The following ANO10 variants were observed in gnomAD, a reference collection of about 807,000 sequenced individuals.
The protein encoded by ANO10 is anoctamin-10.
Under a neutral mutation model 74.7 loss-of-function variants are expected in ANO10, and 77 were observed. The ratio of observed to expected loss-of-function variants is 1.03; its 90% CI spans 0.86 to 1.25. The LOEUF (loss-of-function observed/expected upper bound fraction) is 1.25. ANO10 is among the 50% of genes most tolerant of loss of function. ANO10 has a pLI of 0.00. For missense variants in ANO10, 721 were observed against 778.1 expected (o/e 0.93, Z 0.87); for synonymous variants, 279 against 284.9 (o/e 0.98, Z 0.21).
rs1282369478 is a variant in ANO10, at chr3:43,608,496, C to T, written c.-11-2633G>A. 2.6e-5 allele frequency among the ~76,000 whole-genome samples: 4 copies of T among 152,088 alleles called. No homozygotes were observed. The South Asian group carries it at 6.2e-4, about 24-fold the overall frequency. On this transcript the variant is annotated intron_variant, in intron 1 of 12. Transcript: ENST00000292246. Reference sequence around the variant, plus strand: ...CCCAGGCTCATCTCGAACTCTTGGGCTCGAGTGATCCTTTAGCCTTGGCCT... The same window carrying T: ...CCCAGGCTCATCTCGAACTCTTGGGTTCGAGTGATCCTTTAGCCTTGGCCT...
intron 11 of ANO10, among the ~76,000 whole-genome samples, chr3:43,543,733 A>G (rs1034969844): frequency 6.6e-6 from 1 of 152,204 alleles, no homozygotes; most frequent in Admixed American, 6.5e-5. Context: ...AGGGGGTGCC[A>G]CATGAAAACT....
chr3:43,685,375 T>C lies in ANO10; in HGVS notation c.-12+6142A>G, dbSNP rs540940590. Among the ~76,000 whole-genome samples, 7 of 152,360 alleles carry C rather than the reference T, an allele frequency of 4.6e-5. No individual in the cohort carries two copies. In the East Asian group the frequency reaches 1.3e-3, roughly 29 times the overall value. On this transcript the variant is annotated intron_variant, in intron 1 of 3. Transcript: ENST00000413397. ...GTACTTCCATATTAGTATATATACA[T>C]CTACCTCATTTTTCTTAATTGCTGC...
At chr3:43,525,682 CTT>C (rs1244188006) in intron 11 of ANO10, among the ~76,000 whole-genome samples, 1 of 152,208 alleles carries the variant, frequency 6.6e-6, no homozygotes, top group Non-Finnish European at 1.5e-5. Context: ...TTTTGTCTCT[CTT>C]CTTTCCTCTT....
chr3:43,420,530 G>T (rs2092804807), intron 12 of ANO10, among the ~76,000 whole-genome samples: 1 of 151,816 alleles, frequency 6.6e-6, no homozygotes, highest in African/African-American at 2.4e-5. Flanking sequence ...AAAAAGAAAG[G>T]AAAGGAAAGG....
At chr3:43,481,146 A>G (rs538097990) in intron 11 of ANO10, among the ~76,000 whole-genome samples, 35 of 152,276 alleles carry the variant, frequency 2.3e-4, no homozygotes, top group African/African-American at 8.2e-4. Flanking sequence ...ATATAGAGGT[A>G]AACAGCAGAA....
intron 7 of ANO10, among the ~76,000 whole-genome samples, chr3:43,572,407 G>A (rs1226284436): frequency 6.6e-6 from 1 of 152,148 alleles, no homozygotes; most frequent in African/African-American, 2.4e-5. Flanking sequence ...GGGGCAGATG[G>A]GTGGCACTGG....
chr3:43,426,658 G>T (rs759143026), intron 12 of ANO10, among the ~76,000 whole-genome samples: 2 of 152,170 alleles, frequency 1.3e-5, no homozygotes, highest in Non-Finnish European at 2.9e-5. Context: ...AATGGTTCCT[G>T]CATTAGAATC....
At chr3:43,438,641 G>C (rs1321576661) in intron 11 of ANO10, among the ~76,000 whole-genome samples, 1 of 152,146 alleles carries the variant, frequency 6.6e-6, no homozygotes. Flanking sequence ...CAGCTACTTG[G>C]GAAGCTGATG....
chr3:43,665,800 G>A (rs1390162836), intron 1 of ANO10, among the ~76,000 whole-genome samples: 1 of 152,178 alleles, frequency 6.6e-6, no homozygotes, highest in Non-Finnish European at 1.5e-5. Flanking sequence ...AGTTATTTGT[G>A]AGTGAAGTTG....
chr3:43,455,803 T>C (rs887370005), intron 11 of ANO10, among the ~76,000 whole-genome samples: 4 of 151,998 alleles, frequency 2.6e-5, no homozygotes, highest in East Asian at 1.9e-4. Context: ...CTTTTTTTTT[T>C]CCAACAGATT....
chr3:43,600,667 G>A (rs573969988), intron 2 of ANO10, 86 bp from the exon 3 acceptor site: 1 of 1,172,874 alleles, frequency 8.5e-7, no homozygotes, highest in Non-Finnish European at 1.2e-6. Flanking sequence ...AATGTTTCTA[G>A]TCTGGTAGAA....
intron 1 of ANO10, among the ~76,000 whole-genome samples, chr3:43,642,959 T>C (rs2083685760): frequency 6.6e-6 from 1 of 152,234 alleles, no homozygotes; most frequent in Non-Finnish European, 1.5e-5. Flanking sequence ...CTTTTGCTAC[T>C]GCAAACAATG....
At chr3:43,385,355 T>G (rs563857417) in intron 12 of ANO10, among the ~76,000 whole-genome samples, 3 of 152,100 alleles carry the variant, frequency 2.0e-5, no homozygotes, top group Non-Finnish European at 4.4e-5. Context: ...AGTGTGGAGA[T>G]TCCTTAAATA....
intron 1 of ANO10, among the ~76,000 whole-genome samples, chr3:43,643,439 C>T (rs1469385661): frequency 6.6e-6 from 1 of 151,766 alleles, no homozygotes; most frequent in Admixed American, 6.6e-5. Context: ...AGGGTTTGTT[C>T]CATTTTGCAT....
chr3:43,615,627 T>C lies in ANO10; in HGVS notation c.-12+6282A>G, dbSNP rs569821262. Among the ~76,000 whole-genome samples the C allele has an allele frequency of 4.6e-5, 7 of 152,152 alleles. No individual in the cohort carries two copies. In the South Asian group the frequency reaches 1.5e-3, roughly 32 times the overall value. On this transcript the variant is annotated intron_variant, in intron 1 of 12. Transcript: ENST00000292246. ...ACACTTCAGTTAAAGCCAAATTTCA[T>C]ATATATATGTGTATATATTTTTTGT...
intron 11 of ANO10, among the ~76,000 whole-genome samples, chr3:43,437,351 G>C (rs967432716): frequency 1.3e-5 from 2 of 152,210 alleles, no homozygotes; most frequent in Non-Finnish European, 2.9e-5. Flanking sequence ...CTGAGCCAGG[G>C]AGTCTGCACC....
At position 43,605,743 on chromosome 3, in the gene ANO10, T is replaced by G; in HGVS notation, c.110A>C (p.Asn37Thr). ...VKEETKEWLKNRIIAKKKDGG... is the reference protein window; with the variant it reads ...VKEETKEWLKTRIIAKKKDGG... ...ATCTTTTTTTTTAGCTATAATTCTG[T>G]TTTTCAGCCATTCTTTGGTTTCTTC... Residue 37 changes from asparagine (N) to threonine (T), a missense_variant, in exon 2 of 13, where the codon AAC (asparagine) becomes ACC (threonine). Coordinates refer to ENST00000292246, the MANE Select transcript of ANO10 (RefSeq NM_018075.5). 6.2e-7 allele frequency: 1 copy of G among 1,613,708 alleles called. No homozygotes were observed. Among genetic ancestry groups the G allele is most frequent in the South Asian group, 1.1e-5 (1 of 91,072 alleles).
rs150931750 is a variant in ANO10 at position 43,385,603 on chromosome 3, G to A, written c.1915-18629C>T. Among the ~76,000 whole-genome samples the A allele has an allele frequency of 2.6e-5, 4 of 152,252 alleles. No individual in the cohort carries two copies. In the East Asian group the frequency reaches 7.7e-4, roughly 29 times the overall value. ...AAAAAGAAACGAAATAATGGCATCC[G>A]CAGCGACCTGGATGGAACTGGAGAC... On this transcript the variant is annotated intron_variant, in intron 12 of 12. Transcript: ENST00000292246.
chr3:43,562,330 T>C (rs965094263), intron 8 of ANO10, among the ~76,000 whole-genome samples: 5 of 151,812 alleles, frequency 3.3e-5, no homozygotes, highest in Non-Finnish European at 7.4e-5. Context: ...CACGTGCCTG[T>C]AGTCCCAGCT....
Sources: allele counts gnomAD v4.1 joint callset (sites outside exome capture counted in the v4.1 genomes callset), GRCh38; gene constraint gnomAD v4.1.1; transcripts MANE v1.5; gene names NCBI Gene and HGNC (gene_info 2026-07-23, HGNC 2026-07-21).